The following WDR44 variants were observed in gnomAD, a reference collection of about 807,000 sequenced individuals.
WDR44 encodes WD repeat-containing protein 44.
A neutral mutation model predicts 65.7 loss-of-function variants in WDR44; 9 were observed. The ratio of observed to expected loss-of-function variants is 0.14; its 90% CI spans 0.08 to 0.24. WDR44 has a LOEUF of 0.24. Among genes scored for constraint, WDR44 ranks in the 10% least tolerant of loss-of-function variants. The probability of loss-of-function intolerance (pLI) is 1.00; values close to 1 mark genes in which losing one functional copy is unlikely to be tolerated. For synonymous variants in WDR44, 220 were observed against 235.2 expected (o/e 0.94, Z 0.59); for missense variants, 425 against 670.9 (o/e 0.63, Z 4.05).
intron 2 of WDR44, among the ~76,000 whole-genome samples, chrX:118,384,207 T>C (rs1049703088): frequency 4.5e-5 from 5 of 111,394 alleles, no homozygotes; most frequent in African/African-American, 1.6e-4. Flanking sequence ...AAACAGAGCA[T>C]GCATCATTCA....
intron 9 of WDR44, among the ~76,000 whole-genome samples, chrX:118,405,499 C>G (rs1039188297): frequency 1.8e-5 from 2 of 110,999 alleles, no homozygotes; most frequent in Non-Finnish European, 3.8e-5. Flanking sequence ...GCCACCACAC[C>G]TGGCTAATTT....
intron 8 of WDR44, among the ~76,000 whole-genome samples, chrX:118,402,756 A>G (rs2056930519): frequency 1.8e-5 from 2 of 112,162 alleles, no homozygotes; most frequent in Non-Finnish European, 3.8e-5. Context: ...TCAATTAAAA[A>G]CAATTTATAA....
chrX:118,427,673 G>A (rs2057169723), intron 12 of WDR44, among the ~76,000 whole-genome samples: 1 of 101,192 alleles, frequency 9.9e-6, no homozygotes, highest in African/African-American at 3.7e-5. Flanking sequence ...AGCTCCATGA[G>A]GGCAGGAATC....
At chrX:118,357,109 G>A (rs1421513172) in intron 1 of WDR44, among the ~76,000 whole-genome samples, 1 of 110,586 alleles carries the variant, frequency 9.0e-6, no homozygotes, top group Non-Finnish European at 1.9e-5. Flanking sequence ...GGGATTACAG[G>A]CATGAGCCAC....
At chrX:118,444,242 A>G (rs1335633819) in intron 18 of WDR44, 118 bp from the exon 19 acceptor site, 4 of 868,959 alleles carry the variant, frequency 4.6e-6, no homozygotes, top group Non-Finnish European at 6.2e-6. Flanking sequence ...TTTGGGTTTT[A>G]AATCACTCTT....
chrX:118,379,948 G>A (rs1262789831), intron 2 of WDR44, among the ~76,000 whole-genome samples: 1 of 111,116 alleles, frequency 9.0e-6, no homozygotes, highest in Non-Finnish European at 1.9e-5. Context: ...TACTGTTTAT[G>A]CTTATAGGTC....
intron 1 of WDR44, among the ~76,000 whole-genome samples, chrX:118,363,102 T>G (rs2147668720): frequency 9.2e-6 from 1 of 108,230 alleles, no homozygotes; most frequent in African/African-American, 3.4e-5. Flanking sequence ...GCATCAATGC[T>G]CAAAGCTCAA....
chrX:118,380,897 G>C, intron 2 of WDR44, among the ~76,000 whole-genome samples: 1 of 111,841 alleles, frequency 8.9e-6, no homozygotes, highest in East Asian at 2.8e-4. Context: ...GTTTGCATAG[G>C]TAGATAGAGA....
intron 19 of WDR44, among the ~76,000 whole-genome samples, chrX:118,446,648 C>T (rs1387697193): frequency 1.8e-5 from 2 of 111,346 alleles, no homozygotes; most frequent in Non-Finnish European, 3.8e-5. Flanking sequence ...TGACACTTTT[C>T]CTTCTGTCTG....
intron 1 of WDR44, among the ~76,000 whole-genome samples, chrX:118,373,216 A>G (rs1462461156): frequency 9.0e-6 from 1 of 111,020 alleles, no homozygotes; most frequent in Non-Finnish European, 1.9e-5. Flanking sequence ...AGGCAAATAA[A>G]TCTGCACTTT....
At position 118,444,403 on chromosome X, in the gene WDR44, A is replaced by G. The variant is rs151002382; in HGVS notation, c.2556A>G (p.Pro852=). Residue 852 remains proline, a synonymous_variant, in exon 19 of 20, where the codon CCA becomes CCG. Transcript: ENST00000254029. ...VVTSAIFAPN[P]SLMLSLDVQS... ...CATCAGCCATCTTTGCACCAAACCCAAGTTTGATGTTATCTTTGGATGTGC... is the reference window on the plus strand; with the variant it reads ...CATCAGCCATCTTTGCACCAAACCCGAGTTTGATGTTATCTTTGGATGTGC... 5 of 1,209,205 alleles carry G rather than the reference A, an allele frequency of 4.1e-6. No homozygotes were observed. Among genetic ancestry groups the G allele is most frequent in the Non-Finnish European group, 5.6e-6 (5 of 894,748 alleles).
At chrX:118,407,338 G>A (rs1862294980) in intron 10 of WDR44, among the ~76,000 whole-genome samples, 1 of 110,303 alleles carries the variant, frequency 9.1e-6, no homozygotes, top group Admixed American at 9.7e-5. Context: ...CTGTCTCTAC[G>A]AAAAATATAA....
At chrX:118,395,227 G>A (rs1272914403) in intron 5 of WDR44, 22 bp from the exon 6 acceptor site, 1 of 1,180,437 alleles carries the variant, frequency 8.5e-7, no homozygotes, top group Admixed American at 2.2e-5. Context: ...TCTAATTTCT[G>A]TTTATAAAAT....
intron 14 of WDR44, among the ~76,000 whole-genome samples, chrX:118,438,036 A>T (rs1193987811): frequency 2.7e-5 from 3 of 110,189 alleles, no homozygotes; most frequent in Non-Finnish European, 5.7e-5. Flanking sequence ...AAAATAAAAA[A>T]AAAAAAAAGA....
In WDR44 at chrX:118,374,100, CCT is replaced by C. The variant is rs935296800; in HGVS notation, c.78-4318_78-4317del. 7.3e-4 allele frequency among the ~76,000 whole-genome samples: 80 copies of C among 109,036 alleles called. 1 individual carries two copies. Among genetic ancestry groups the C allele is most frequent in the African/African-American group, 2.6e-3 (77 of 29,885 alleles). 94.7% of individuals were successfully genotyped at this position (109,036 alleles called of 115,157 possible). ...CTATCCCTCCCCTAGCCCCCCACCC[CCT>C]GACAGGCCCTGGTGTGTGTTGTTCC... On this transcript the variant is annotated intron_variant, in intron 1 of 19. Coordinates refer to ENST00000254029, the MANE Select transcript of WDR44 (RefSeq NM_019045.5).
chrX:118,352,335 TATATA>T (rs2056415182), intron 1 of WDR44, among the ~76,000 whole-genome samples: 1 of 18,163 alleles, frequency 5.5e-5, no homozygotes, highest in Non-Finnish European at 7.6e-5. Context: ...TATATATATA[TATATA>T]TATATATATA....
chrX:118,359,738 A>G (rs772671040), intron 1 of WDR44, among the ~76,000 whole-genome samples: 1 of 112,478 alleles, frequency 8.9e-6, no homozygotes, highest in South Asian at 3.7e-4. Context: ...TAAAATAATT[A>G]TTAGTTAATT....
At chrX:118,355,137 A>G (rs1424864947) in intron 1 of WDR44, among the ~76,000 whole-genome samples, 7 of 111,911 alleles carry the variant, frequency 6.3e-5, no homozygotes, top group Admixed American at 3.8e-4. Flanking sequence ...GTCTTTTAAA[A>G]TATATTACCT....
chrX:118,405,801 T>A (rs2056961161), intron 9 of WDR44, among the ~76,000 whole-genome samples: 1 of 111,940 alleles, frequency 8.9e-6, no homozygotes, highest in South Asian at 3.7e-4. Context: ...ACTATTTATA[T>A]AACATTTACA....
Sources: gnomAD v4.1 joint callset for allele counts (sites outside exome capture counted in the v4.1 genomes callset) on GRCh38, gnomAD v4.1.1 for gene constraint, MANE v1.5 for transcripts, NCBI Gene and HGNC (gene_info 2026-07-23, HGNC 2026-07-21) for gene names.